Variants in ITK observed in about 807,000 individuals in gnomAD.
ITK encodes the protein IL2 inducible T cell kinase.
A neutral mutation model predicts 87.6 loss-of-function variants in ITK; 45 were observed. The observed-to-expected ratio is 0.51, with a 90% CI of 0.40 to 0.66. The LOEUF (loss-of-function observed/expected upper bound fraction) is 0.66, where lower values mean the gene tolerates loss of function less well. Ranked by LOEUF, ITK falls within the 30% of genes least tolerant of loss-of-function variation. The pLI is 0.00. For missense variants in ITK, 605 were observed against 766.3 expected (o/e 0.79, Z 2.48); for synonymous variants, 303 against 273.6 (o/e 1.11, Z -1.06).
chr5:157,182,813 G>A (rs1156236657), intron 1 of ITK, among the ~76,000 whole-genome samples: 2 of 151,876 alleles, frequency 1.3e-5, no homozygotes, highest in Non-Finnish European at 1.5e-5. Context: ...TAATTCCTTA[G>A]CCCAACTGCT....
chr5:157,181,237 A>G, intron 1 of ITK, 122 bp downstream of exon 1: 6 of 1,082,354 alleles, frequency 5.5e-6, no homozygotes, highest in Non-Finnish European at 5.7e-6. Context: ...TTATTGTAAC[A>G]ACATAAAAAG....
At chr5:157,238,075 A>G in intron 8 of ITK, 34 bp from the exon 9 acceptor site, 1 of 1,538,332 alleles carries the variant, frequency 6.5e-7, no homozygotes, top group South Asian at 1.1e-5. Context: ...GTTTCCTGAG[A>G]TCACTAACTT....
At chr5:157,223,052 G>A (rs1754456196) in intron 6 of ITK, 38 bp downstream of exon 6, 1 of 1,612,522 alleles carries the variant, frequency 6.2e-7, no homozygotes, top group African/African-American at 1.3e-5. Context: ...CGTGTTTGAG[G>A]TGTGGTGCGA....
At chr5:157,244,502 C>T (rs747574690) in intron 13 of ITK, 24 bp downstream of exon 13, 4 of 1,339,854 alleles carry the variant, frequency 3.0e-6, no homozygotes, top group East Asian at 4.6e-5. Context: ...GGGTGAACAC[C>T]CACAGGTCCA....
At position 157,254,854 on chromosome 5, in the gene ITK, G is replaced by A; in HGVS notation, c.*2176G>A. ...TCATCTAATCCTCAACTGTACATGTGTACATTCTTCACCTCCTGGTGCCCT... is the reference window on the plus strand; with the variant it reads ...TCATCTAATCCTCAACTGTACATGTATACATTCTTCACCTCCTGGTGCCCT... On this transcript the variant is annotated 3_prime_UTR_variant, in exon 17 of 17. Transcript: ENST00000422843. 1 of 216,622 alleles carries A rather than the reference G, an allele frequency of 4.6e-6. No individual in the cohort carries two copies. The highest frequency in any genetic ancestry group is 6.8e-5 in the East Asian group (1 of 14,626). The allele number at this position is 216,622 out of a possible 1,614,324, so 13.4% of individuals were successfully genotyped here. A position where few individuals can be genotyped will look rare whatever the true frequency, so the allele number is the denominator to read the frequency against.
intron 6 of ITK, among the ~76,000 whole-genome samples, chr5:157,223,259 C>T (rs959116516): frequency 6.6e-6 from 1 of 152,090 alleles, no homozygotes; most frequent in African/African-American, 2.4e-5. Context: ...GCACTCCAGA[C>T]CCAAACTCAT....
intron 3 of ITK, 28 bp from the exon 4 acceptor site, chr5:157,214,163 C>G: frequency 6.2e-7 from 1 of 1,603,502 alleles, no homozygotes; most frequent in South Asian, 1.1e-5. Flanking sequence ...CTGGAAATAA[C>G]TCTTCTGTTG....
At chr5:157,204,508 G>A (rs1462611355) in intron 1 of ITK, among the ~76,000 whole-genome samples, 3 of 152,168 alleles carry the variant, frequency 2.0e-5, no homozygotes, top group Non-Finnish European at 4.4e-5. Flanking sequence ...GACCATCCTG[G>A]CTATCACGGT....
At chr5:157,202,266 T>A (rs1422544262) in intron 1 of ITK, among the ~76,000 whole-genome samples, 2 of 152,178 alleles carry the variant, frequency 1.3e-5, no homozygotes, top group Non-Finnish European at 2.9e-5. Context: ...CAGGCTGGAA[T>A]GCAGTGGCAC....
At chr5:157,234,657 C>T (rs1380315680) in intron 8 of ITK, among the ~76,000 whole-genome samples, 1 of 152,082 alleles carries the variant, frequency 6.6e-6, no homozygotes, top group Non-Finnish European at 1.5e-5. Flanking sequence ...TCATTCTCAG[C>T]AAACTAACAC....
intron 8 of ITK, among the ~76,000 whole-genome samples, chr5:157,236,766 T>C (rs1391746260): frequency 6.6e-6 from 1 of 152,178 alleles, no homozygotes; most frequent in Non-Finnish European, 1.5e-5. Flanking sequence ...TGTCCATTTA[T>C]TAGTGCTTAT....
intron 1 of ITK, among the ~76,000 whole-genome samples, chr5:157,184,686 C>T (rs573287735): frequency 1.1e-3 from 165 of 152,244 alleles, no homozygotes; most frequent in African/African-American, 3.9e-3. Flanking sequence ...AAAGTAAGGA[C>T]CCCAACACTA....
chr5:157,239,980 T>A (rs1754855105), intron 9 of ITK, 82 bp from the exon 10 acceptor site: 1 of 1,353,840 alleles, frequency 7.4e-7, no homozygotes, highest in Non-Finnish European at 1.0e-6. Context: ...ACAAAGATAA[T>A]AAGAACTTAA....
chr5:157,194,067 G>A (rs527406794), intron 1 of ITK, among the ~76,000 whole-genome samples: 1 of 152,202 alleles, frequency 6.6e-6, no homozygotes, highest in African/African-American at 2.4e-5. Context: ...AAGTGTAAAG[G>A]CAACAGCATG....
At chr5:157,226,466 G>A (rs922657100) in intron 6 of ITK, among the ~76,000 whole-genome samples, 3 of 152,180 alleles carry the variant, frequency 2.0e-5, no homozygotes, top group Non-Finnish European at 4.4e-5. Flanking sequence ...TGATACAGAA[G>A]GAATGGCAAA....
Position 157,240,114 on chromosome 5 carries a change from C to T in ITK, c.904C>T (p.Pro302Ser), listed in dbSNP as rs1427060611. ...HYHIKETNDN[P>S]KRYYVAEKYV... ...TCACATCAAGGAAACAAATGACAAT[C>T]CTAAGCGATACTATGTGGCTGAAAA... The change falls in exon 10 of 17, where the codon CCT (proline) becomes TCT (serine). Residue 302 changes from proline (P) to serine (S), a missense_variant. Transcript: ENST00000422843. The T allele has an allele frequency of 1.9e-6, 3 of 1,612,410 alleles. No homozygotes were observed. Among genetic ancestry groups the T allele is most frequent in the Non-Finnish European group, 2.5e-6 (3 of 1,178,408 alleles).
intron 1 of ITK, among the ~76,000 whole-genome samples, chr5:157,187,467 A>G (rs1753667386): frequency 6.6e-6 from 1 of 152,234 alleles, no homozygotes; most frequent in Non-Finnish European, 1.5e-5. Context: ...ACGAAGCTCA[A>G]ATAGAGAAGG....
rs539119947 is a variant in ITK at position 157,224,780 on chromosome 5, C to A, written c.647+1766C>A. On this transcript the variant is annotated intron_variant, in intron 6 of 16. Transcript: ENST00000422843. Reference sequence around the variant, plus strand: ...TGGGAGACAGAATGAGAATCCATCTCAAAAATAATCATAATAATAATAATT... The same window carrying A: ...TGGGAGACAGAATGAGAATCCATCTAAAAAATAATCATAATAATAATAATT... Among the ~76,000 whole-genome samples, 7 of 152,150 alleles carry A rather than the reference C, an allele frequency of 4.6e-5. No homozygotes were observed. The East Asian group carries it at 9.6e-4, about 21-fold the overall frequency.
chr5:157,211,327 A>G lies in ITK; in HGVS notation c.284A>G (p.Asp95Gly), dbSNP rs535898832. The G allele has an allele frequency of 2.5e-6, 4 of 1,614,080 alleles. No homozygotes were observed. Among genetic ancestry groups the G allele is most frequent in the Admixed American group, 1.7e-5 (1 of 60,016 alleles). The change falls in exon 3 of 17, where the codon GAT (aspartate) becomes GGT (glycine). Residue 95 changes from aspartate (D) to glycine (G), a missense_variant. Physicochemically the swap from Asp to Gly is moderately conservative, Grantham distance 94 (BLOSUM62 -1). Coordinates refer to ENST00000422843, the MANE Select transcript of ITK (RefSeq NM_005546.4). The stretch of plus-strand genomic sequence containing the variant: ...TACCTCCTATATGTGTTTGCTCCAG[A>G]TCGTGAGAGCCGGCAGCGCTGGGTG... ...DNYLLYVFAP[D>G]RESRQRWVLA...
Sources: allele counts gnomAD v4.1 joint callset (sites outside exome capture counted in the v4.1 genomes callset), GRCh38; gene constraint gnomAD v4.1.1; transcripts MANE v1.5; gene names NCBI Gene and HGNC (gene_info 2026-07-23, HGNC 2026-07-21).